The following RNF152 variants were observed in gnomAD, a reference collection of about 807,000 sequenced individuals.
RNF152 encodes E3 ubiquitin-protein ligase RNF152.
Under a neutral mutation model 12.7 loss-of-function variants are expected in RNF152, and 11 were observed. The observed-to-expected ratio is 0.86, with a 90% CI of 0.54 to 1.43. The LOEUF (loss-of-function observed/expected upper bound fraction) is 1.43, where lower values mean the gene tolerates loss of function less well. Ranked by LOEUF, RNF152 falls within the 40% of genes most tolerant of loss-of-function variation. The probability of loss-of-function intolerance (pLI) is 0.00; values close to 1 mark genes in which losing one functional copy is unlikely to be tolerated. For missense variants in RNF152, 255 were observed against 274.8 expected (o/e 0.93, Z 0.51); for synonymous variants, 113 against 120.3 (o/e 0.94, Z 0.40).
chr18:61,857,095 C>T lies in RNF152; in HGVS notation c.-136+35700G>A, dbSNP rs116009255. Among the ~76,000 whole-genome samples, 687 of 152,250 alleles carry T rather than the reference C, an allele frequency of 4.5e-3. 8 individuals carry two copies. The highest frequency in any genetic ancestry group is 0.016 in the African/African-American group (648 of 41,542). The stretch of plus-strand genomic sequence containing the variant: ...ATTAAAATACAGGCAGGGGAACAGG[C>T]ATAAAAGACACAGAATCTCACTTTT... On this transcript the variant is annotated intron_variant, in intron 1 of 1. Transcript: ENST00000312828.
In RNF152 at chr18:61,815,174, T is replaced by C. The variant is rs1909002345; in HGVS notation, c.*678A>G. On this transcript the variant is annotated 3_prime_UTR_variant, in exon 2 of 2. Transcript: ENST00000312828. ...ATGATTTCTCGGTTTATTGCTCCCCTGTTGAGCTTTCAGTTCCATAAACAC... is the reference window on the plus strand; with the variant it reads ...ATGATTTCTCGGTTTATTGCTCCCCCGTTGAGCTTTCAGTTCCATAAACAC... The C allele has an allele frequency of 6.6e-6, 1 of 152,670 alleles. No homozygotes were observed. The highest frequency in any genetic ancestry group is 1.5e-5 in the Non-Finnish European group (1 of 68,050). 9.5% of individuals were successfully genotyped at this position (152,670 alleles called of 1,614,324 possible).
At chr18:61,892,367 G>A (rs1259870193) in intron 1 of RNF152, among the ~76,000 whole-genome samples, 1 of 152,146 alleles carries the variant, frequency 6.6e-6, no homozygotes, top group African/African-American at 2.4e-5. Context: ...TTTGACCGGT[G>A]CTCAATTAGA....
chr18:61,832,828 T>TCACCAA (rs916502243), intron 1 of RNF152, among the ~76,000 whole-genome samples: 16 of 152,340 alleles, frequency 1.1e-4, no homozygotes, highest in Admixed American at 9.1e-4. Context: ...ATGGTTTCAA[T>TCACCAA]CACCAAATAG....
At chr18:61,882,798 A>C (rs1912519706) in intron 1 of RNF152, among the ~76,000 whole-genome samples, 1 of 151,960 alleles carries the variant, frequency 6.6e-6, no homozygotes, top group Non-Finnish European at 1.5e-5. Context: ...GGTATTACAG[A>C]CTCATCACGA....
rs1198223125 is a variant in RNF152 at position 61,892,929 on chromosome 18, T to C, written c.-270A>G. 6.6e-6 allele frequency: 1 copy of C among 152,192 alleles called. No individual in the cohort carries two copies. The highest frequency in any genetic ancestry group is 1.9e-4 in the East Asian group (1 of 5,180). The allele number at this position is 152,192 out of a possible 1,614,324, so 9.4% of individuals were successfully genotyped here. The stretch of plus-strand genomic sequence containing the variant: ...GAGCTTTCTTCAGCCTGCAGTGAAA[T>C]ACATGCAGGAAGGGTTAGATACGCG... On this transcript the variant is annotated 5_prime_UTR_variant, in exon 1 of 2. Transcript: ENST00000312828.
Position 61,808,383 on chromosome 18 carries a change from C to T in RNF152, c.*7469G>A, listed in dbSNP as rs1274132910. On this transcript the variant is annotated 3_prime_UTR_variant, in exon 2 of 2. Transcript: ENST00000312828. ...CTCATTTATCTGTAGGGCTATTTGGCCCTTAAAAAAAAAAAAAAAAAAAAA... is the reference window on the plus strand; with the variant it reads ...CTCATTTATCTGTAGGGCTATTTGGTCCTTAAAAAAAAAAAAAAAAAAAAA... 2.1e-5 allele frequency: 2 copies of T among 96,298 alleles called. No homozygotes were observed. The highest frequency in any genetic ancestry group is 2.0e-4 in the Admixed American group (2 of 9,878). The allele number at this position is 96,298 out of a possible 1,614,324, so 6.0% of individuals were successfully genotyped here. A position where few individuals can be genotyped will look rare whatever the true frequency, so the allele number is the denominator to read the frequency against.
At chr18:61,825,078 A>T (rs1246167905) in intron 1 of RNF152, among the ~76,000 whole-genome samples, 4 of 152,206 alleles carry the variant, frequency 2.6e-5, no homozygotes, top group Non-Finnish European at 5.9e-5. Context: ...CAAAAATCCT[A>T]CTAAGTCTTA....
intron 1 of RNF152, among the ~76,000 whole-genome samples, chr18:61,847,893 A>T (rs2144687687): frequency 6.6e-6 from 1 of 152,132 alleles, no homozygotes; most frequent in Non-Finnish European, 1.5e-5. Flanking sequence ...TCTGAGCTCA[A>T]ATATCACTTT....
At position 61,815,892 on chromosome 18, in the gene RNF152, G is replaced by A; in HGVS notation, c.572C>T (p.Ser191Phe). 1.2e-6 allele frequency: 2 copies of A among 1,614,190 alleles called. No homozygotes were observed. The highest frequency in any genetic ancestry group is 1.3e-5 in the African/African-American group (1 of 75,046). ...CACAGTGAAGCGCTTAGAAATGCAAGACATGTTGTGAAGCACGATGCCGAG... is the reference window on the plus strand; with the variant it reads ...CACAGTGAAGCGCTTAGAAATGCAAAACATGTTGTGAAGCACGATGCCGAG... Reference protein sequence around the residue: ...FLLGIVLHNMSCISKRFTVIS... With the variant: ...FLLGIVLHNMFCISKRFTVIS... The change falls in exon 2 of 2, where the codon TCT (serine) becomes TTT (phenylalanine). Residue 191 changes from serine (S) to phenylalanine (F), a missense_variant. Ser to Phe is a radical substitution (Grantham distance 155, BLOSUM62 -2). Coordinates refer to ENST00000312828, the MANE Select transcript of RNF152 (RefSeq NM_173557.3).
chr18:61,838,010 T>C (rs1218650571), intron 1 of RNF152, among the ~76,000 whole-genome samples: 1 of 139,396 alleles, frequency 7.2e-6, no homozygotes, highest in East Asian at 2.0e-4. Flanking sequence ...TGCCAGTCTT[T>C]TGAAGAAACA....
At position 61,814,757 on chromosome 18, in the gene RNF152, G is replaced by T. The variant is rs1908983747; in HGVS notation, c.*1095C>A. 3.3e-5 allele frequency: 5 copies of T among 152,252 alleles called. No homozygotes were observed. The South Asian group carries it at 1.0e-3, about 32-fold the overall frequency. The allele number at this position is 152,252 out of a possible 1,614,324, so 9.4% of individuals were successfully genotyped here. A position where few individuals can be genotyped will look rare whatever the true frequency, so the allele number is the denominator to read the frequency against. On this transcript the variant is annotated 3_prime_UTR_variant, in exon 2 of 2. Transcript: ENST00000312828. ...GGCCATTTATTAAAATGCCCGCCTG[G>T]GTTGACCATCAGTCACAACACTCAT... is the stretch of plus-strand genomic sequence containing the variant.
chr18:61,808,395 A>AAAAAAAAAAAAAAAAAAAC lies in RNF152; in HGVS notation c.*7456_*7457insGTTTTTTTTTTTTTTTTTT. Reference sequence around the variant, plus strand: ...TAGGGCTATTTGGCCCTTAAAAAAAAAAAAAAAAAAAAAAAAAGCTCCTAA... The same window carrying AAAAAAAAAAAAAAAAAAAC: ...TAGGGCTATTTGGCCCTTAAAAAAAAAAAAAAAAAAAAAAAAAACAAAAAAAAAAAAAAAAAGCTCCTAA... On this transcript the variant is annotated 3_prime_UTR_variant, in exon 2 of 2. Transcript: ENST00000312828. The AAAAAAAAAAAAAAAAAAAC allele has an allele frequency of 6.7e-6, 1 of 150,032 alleles. No homozygotes were observed. The highest frequency in any genetic ancestry group is 2.4e-5 in the African/African-American group (1 of 41,172). 9.3% of individuals were successfully genotyped at this position (150,032 alleles called of 1,614,324 possible). A position where few individuals can be genotyped will look rare whatever the true frequency, so the allele number is the denominator to read the frequency against.
chr18:61,850,807 C>T (rs1038764241), intron 1 of RNF152, among the ~76,000 whole-genome samples: 7 of 152,168 alleles, frequency 4.6e-5, no homozygotes, highest in African/African-American at 1.7e-4. Context: ...TACTCACCTC[C>T]TACCTTGCAG....
chr18:61,881,537 G>C (rs1027711165), intron 1 of RNF152, among the ~76,000 whole-genome samples: 11 of 152,134 alleles, frequency 7.2e-5, no homozygotes, highest in Non-Finnish European at 1.3e-4. Context: ...ACTAAAAGCG[G>C]TAACAGAAGC....
chr18:61,888,812 C>T (rs531522052), intron 1 of RNF152: 28 of 152,316 alleles, frequency 1.8e-4, no homozygotes, highest in African/African-American at 6.3e-4. Flanking sequence ...AGCAGGAAAA[C>T]CAACACCTTC....
intron 1 of RNF152, chr18:61,875,105 A>G (rs1305306307): frequency 6.6e-6 from 1 of 152,242 alleles, no homozygotes; most frequent in Admixed American, 6.5e-5. Flanking sequence ...TGAACAGGGT[A>G]TTGAAGGAAG....
At chr18:61,861,369 G>C (rs939552418) in intron 1 of RNF152, among the ~76,000 whole-genome samples, 1 of 152,162 alleles carries the variant, frequency 6.6e-6, no homozygotes, top group African/African-American at 2.4e-5. Flanking sequence ...ATTGCTTGCA[G>C]TATTCAGTAT....
At chr18:61,829,497 A>G (rs1347116121) in intron 1 of RNF152, among the ~76,000 whole-genome samples, 2 of 150,600 alleles carry the variant, frequency 1.3e-5, no homozygotes, top group Admixed American at 1.3e-4. Context: ...GAGAGAGGGG[A>G]GAGAGAGATA....
At chr18:61,880,054 C>T (rs1053126179) in intron 1 of RNF152, among the ~76,000 whole-genome samples, 21 of 152,072 alleles carry the variant, frequency 1.4e-4, no homozygotes, top group Admixed American at 1.2e-3. Context: ...CAGAATCTCT[C>T]ACATAACTAT....
Sources: allele counts gnomAD v4.1 joint callset (sites outside exome capture counted in the v4.1 genomes callset), GRCh38; gene constraint gnomAD v4.1.1; transcripts MANE v1.5; gene names NCBI Gene and HGNC (gene_info 2026-07-23, HGNC 2026-07-21).